Variants in G3BP2 observed in about 807,000 individuals in gnomAD.
G3BP2 encodes G3BP stress granule assembly factor 2.
In G3BP2, 11 loss-of-function variants were observed where a neutral mutation model predicts 56.7. The ratio of observed to expected loss-of-function variants is 0.19; its 90% CI spans 0.12 to 0.32. The LOEUF (loss-of-function observed/expected upper bound fraction) is 0.32. Ranked by LOEUF, G3BP2 falls within the 10% of genes least tolerant of loss-of-function variation. The probability of loss-of-function intolerance (pLI) is 1.00; values close to 1 mark genes in which losing one functional copy is unlikely to be tolerated. For missense variants in G3BP2, 340 were observed against 610.9 expected, an observed-to-expected ratio of 0.56 and a Z score of 4.67; for synonymous variants, 165 against 191.6, an observed-to-expected ratio of 0.86 and a Z score of 1.15.
chr4:75,710,642 G>T (rs899383333), intron 3 of G3BP2, among the ~76,000 whole-genome samples: 1 of 152,130 alleles, frequency 6.6e-6, no homozygotes. Context: ...ATGAAGCCAG[G>T]ATTCAAATTT....
In G3BP2 at chr4:75,705,383, G is replaced by T. The variant is rs192110344; in HGVS notation, c.-25+15494C>A. Among the ~76,000 whole-genome samples the T allele has an allele frequency of 4.6e-5, 7 of 152,356 alleles. No individual in the cohort carries two copies. In the East Asian group the frequency reaches 1.3e-3, roughly 29 times the overall value. On this transcript the variant is annotated intron_variant, in intron 3 of 3. Coordinates refer to the G3BP2 transcript ENST00000499709. ...TAAATCATGTTTTACCATTTCAACAGAAGTCTGGAATTATAGACCAGAGCC... is the reference window on the plus strand; with the variant it reads ...TAAATCATGTTTTACCATTTCAACATAAGTCTGGAATTATAGACCAGAGCC...
chr4:75,713,935 G>A (rs1487780093), intron 3 of G3BP2, among the ~76,000 whole-genome samples: 1 of 152,104 alleles, frequency 6.6e-6, no homozygotes, highest in Non-Finnish European at 1.5e-5. Flanking sequence ...CTAAATTGAG[G>A]GGCATTCTAC....
rs201832474 is a variant in G3BP2, at chr4:75,702,156, T to C, written c.-25+18721A>G. 5.4e-5 allele frequency among the ~76,000 whole-genome samples: 8 copies of C among 147,096 alleles called. No homozygotes were observed. In the East Asian group the frequency reaches 1.4e-3, roughly 27 times the overall value. ...GCCGTTCCCCCCTACCTTAAGATGG[T>C]ATATAAACCCCCCAATTTTTTTTTT... On this transcript the variant is annotated intron_variant, in intron 3 of 3. Coordinates refer to the G3BP2 transcript ENST00000499709.
chr4:75,697,127 A>G (rs1719148305), intron 3 of G3BP2, among the ~76,000 whole-genome samples: 1 of 151,928 alleles, frequency 6.6e-6, no homozygotes, highest in Non-Finnish European at 1.5e-5. Context: ...TACAAAAATT[A>G]GCTGGGCTGG....
intron 1 of G3BP2, chr4:75,672,592 G>T (rs1390173332): frequency 6.6e-6 from 1 of 152,188 alleles, no homozygotes; most frequent in Non-Finnish European, 1.5e-5. Flanking sequence ...CTAGGTACTG[G>T]GTAAGCGAAG....
In G3BP2 at chr4:75,655,752, C is replaced by A. The variant is rs1471862614; in HGVS notation, c.545+16G>T. 7.3e-7 allele frequency: 1 copy of A among 1,371,748 alleles called. No individual in the cohort carries two copies. The highest frequency in any genetic ancestry group is 1.0e-6 in the Non-Finnish European group (1 of 960,354). The allele number at this position is 1,371,748 out of a possible 1,614,324, so 85.0% of individuals were successfully genotyped here. ...ATAGTTCAGACCAAATTTAACCTTG[C>A]AAATAGTATGCTTACGTCACAGGGT... On this transcript the variant is annotated intron_variant, in intron 6 of 11. Coordinates refer to ENST00000359707, the MANE Select transcript of G3BP2 (RefSeq NM_203505.3).
intron 3 of G3BP2, among the ~76,000 whole-genome samples, chr4:75,710,852 G>A (rs1213540542): frequency 6.6e-6 from 1 of 151,616 alleles, no homozygotes; most frequent in Admixed American, 6.6e-5. Flanking sequence ...TTTAAGAGAT[G>A]GGGGTCTCAC....
At chr4:75,668,401 ACAAT>A (rs1284255742) in intron 1 of G3BP2, among the ~76,000 whole-genome samples, 2 of 152,352 alleles carry the variant, frequency 1.3e-5, no homozygotes, top group Admixed American at 6.5e-5. Flanking sequence ...TGCCTCCAAA[ACAAT>A]CAATCTTAGG....
intron 1 of G3BP2, among the ~76,000 whole-genome samples, chr4:75,663,612 C>T (rs918192914): frequency 1.3e-5 from 2 of 151,956 alleles, no homozygotes; most frequent in East Asian, 3.9e-4. Context: ...CCTGTAATCC[C>T]AGCACTTTGG....
chr4:75,713,466 A>C (rs1719826345), intron 3 of G3BP2, among the ~76,000 whole-genome samples: 1 of 152,226 alleles, frequency 6.6e-6, no homozygotes, highest in Non-Finnish European at 1.5e-5. Context: ...ACCGGTAGAC[A>C]GTACTTTAAA....
At chr4:75,663,130 A>C (rs1177716390) in intron 1 of G3BP2, among the ~76,000 whole-genome samples, 5 of 152,266 alleles carry the variant, frequency 3.3e-5, no homozygotes, top group African/African-American at 1.2e-4. Context: ...CTAGCCCTCA[A>C]GGAGTTTATA....
intron 1 of G3BP2, among the ~76,000 whole-genome samples, chr4:75,667,288 TA>T (rs33912343): frequency 0.39 from 53,539 of 137,088 alleles, 10,669 homozygotes; most frequent in African/African-American, 0.52. Flanking sequence ...AGACACTGTT[TA>T]AAAAAAAAAA....
At chr4:75,707,359 C>T (rs1449209261) in intron 3 of G3BP2, among the ~76,000 whole-genome samples, 1 of 151,900 alleles carries the variant, frequency 6.6e-6, no homozygotes. Flanking sequence ...CCGTGGCTCA[C>T]GCTTGTAATC....
intron 3 of G3BP2, among the ~76,000 whole-genome samples, chr4:75,716,546 C>T (rs570018192): frequency 1.6e-4 from 23 of 147,268 alleles, no homozygotes; most frequent in Admixed American, 1.5e-3. Context: ...ACAGAGTTTC[C>T]CTCTTGTCAC....
At chr4:75,665,800 C>T (rs1202878046) in intron 1 of G3BP2, among the ~76,000 whole-genome samples, 1 of 151,960 alleles carries the variant, frequency 6.6e-6, no homozygotes, top group Non-Finnish European at 1.5e-5. Context: ...ATTTTAACAC[C>T]ATAAAAACTG....
At chr4:75,698,461 A>G (rs1185697993) in intron 3 of G3BP2, among the ~76,000 whole-genome samples, 2 of 152,084 alleles carry the variant, frequency 1.3e-5, no homozygotes, top group Non-Finnish European at 2.9e-5. Context: ...CACTCAACAT[A>G]CCATCTGATC....
chr4:75,722,166 T>C (rs1236441000), intron 2 of G3BP2, among the ~76,000 whole-genome samples: 3 of 152,150 alleles, frequency 2.0e-5, no homozygotes, highest in Non-Finnish European at 4.4e-5. Context: ...TTCATGGTTG[T>C]TCTGTAGTGA....
At chr4:75,704,445 G>A (rs987683855) in intron 3 of G3BP2, among the ~76,000 whole-genome samples, 1 of 151,224 alleles carries the variant, frequency 6.6e-6, no homozygotes, top group African/African-American at 2.4e-5. Flanking sequence ...AGCCTCCTGA[G>A]TAGCTGGGAC....
At position 75,704,362 on chromosome 4, in the gene G3BP2, G is replaced by C. The variant is rs559097467; in HGVS notation, c.-25+16515C>G. Among the ~76,000 whole-genome samples, 4 of 152,132 alleles carry C rather than the reference G, an allele frequency of 2.6e-5. No individual in the cohort carries two copies. In the East Asian group the frequency reaches 7.7e-4, roughly 29 times the overall value. On this transcript the variant is annotated intron_variant, in intron 3 of 3. Transcript: ENST00000499709. The stretch of plus-strand genomic sequence containing the variant: ...AGACAAAGTCTTGCTCTGTCACCCA[G>C]GCTAGAGTGCAGTGGTGCTATCATG...
Sources: gnomAD v4.1 joint callset for allele counts (sites outside exome capture counted in the v4.1 genomes callset) on GRCh38, gnomAD v4.1.1 for gene constraint, MANE v1.5 for transcripts, NCBI Gene and HGNC (gene_info 2026-07-23, HGNC 2026-07-21) for gene names.